Variants in FAM200B observed in about 807,000 individuals in gnomAD.
The protein encoded by FAM200B is zinc finger BED-type containing 11, also known as protein FAM200B.
Under a neutral mutation model 33.1 loss-of-function variants are expected in FAM200B, and 32 were observed. That is an observed-to-expected ratio of 0.97 (90% CI 0.73 to 1.30). The LOEUF is 1.30. Among genes scored for constraint, FAM200B ranks in the 50% most tolerant of loss-of-function variants. The pLI is 0.00. For synonymous variants in FAM200B, 240 were observed against 264.8 expected (o/e 0.91, Z 0.91); for missense variants, 741 against 754.0 (o/e 0.98, Z 0.20).
chr4:15,670,711 A>C, the FAM200B span, among the ~76,000 whole-genome samples: 2 of 22,070 alleles, frequency 9.1e-5, no homozygotes, highest in Non-Finnish European at 2.3e-4. Flanking sequence ...TGAAAAAAGG[A>C]AAAAAAAAAA....
At chr4:15,641,936 G>A in the FAM200B span, among the ~76,000 whole-genome samples, 1 of 151,928 alleles carries the variant, frequency 6.6e-6, no homozygotes, top group African/African-American at 2.4e-5. Flanking sequence ...CTGAGGCACG[G>A]AGAACTGCTT....
In FAM200B at chr4:15,687,869, G is replaced by A; in HGVS notation, c.892G>A (p.Gly298Ser). ...AAACTGTAAAGGAATTACAAGTGAT[G>A]GCACAGCAACCATGACTGGAAAACA... ...WKNCKGITSD[G>S]TATMTGKHSR... Residue 298 changes from glycine (G) to serine (S), a missense_variant, in exon 2 of 2, where the codon GGC becomes AGC. Gly to Ser is a moderately conservative substitution (Grantham distance 56). Coordinates refer to ENST00000422728, the MANE Select transcript of FAM200B (RefSeq NM_001145191.2). 1 of 1,551,218 alleles carries A rather than the reference G, an allele frequency of 6.4e-7. No homozygotes were observed. Among genetic ancestry groups the A allele is most frequent in the Non-Finnish European group, 8.7e-7 (1 of 1,146,732 alleles).
chr4:15,670,045 C>G, the FAM200B span, among the ~76,000 whole-genome samples: 1 of 152,308 alleles, frequency 6.6e-6, no homozygotes, highest in Admixed American at 6.5e-5. Flanking sequence ...CTTCCTGACT[C>G]AAGCTTTTAA....
the FAM200B span, among the ~76,000 whole-genome samples, chr4:15,650,847 G>A: frequency 6.6e-6 from 1 of 151,614 alleles, no homozygotes; most frequent in African/African-American, 2.4e-5. Flanking sequence ...TGGCCAGGCT[G>A]GTCTTGAACT....
At chr4:15,641,934 C>T in the FAM200B span, among the ~76,000 whole-genome samples, 13 of 151,632 alleles carry the variant, frequency 8.6e-5, no homozygotes, top group African/African-American at 2.9e-4. Flanking sequence ...GGCTGAGGCA[C>T]GGAGAACTGC....
At position 15,687,504 on chromosome 4, in the gene FAM200B, T is replaced by C; in HGVS notation, c.527T>C (p.Leu176Ser). 6.4e-7 allele frequency: 1 copy of C among 1,551,110 alleles called. No individual in the cohort carries two copies. The highest frequency in any genetic ancestry group is 8.7e-7 in the Non-Finnish European group (1 of 1,146,774). ...GAAAAAATTATTCTTCCAGCATGTTTGGATATGGTGCGTACAATATTTGAT... is the reference window on the plus strand; with the variant it reads ...GAAAAAATTATTCTTCCAGCATGTTCGGATATGGTGCGTACAATATTTGAT... ...AAEKIILPAC[L>S]DMVRTIFDDK... Residue 176 changes from leucine (L) to serine (S), a missense_variant, in exon 2 of 2, where the codon TTG (leucine) becomes TCG (serine). Coordinates refer to ENST00000422728, the MANE Select transcript of FAM200B (RefSeq NM_001145191.2).
the FAM200B span, among the ~76,000 whole-genome samples, chr4:15,661,412 G>A: frequency 6.6e-6 from 1 of 152,260 alleles, no homozygotes; most frequent in South Asian, 2.1e-4. Flanking sequence ...GCCTGGCATG[G>A]GAAGCACTAA....
Position 15,689,572 on chromosome 4 carries a change from A to G in FAM200B, c.*621A>G, listed in dbSNP as rs1454148423. 1 of 166,502 alleles carries G rather than the reference A, an allele frequency of 6.0e-6. No homozygotes were observed. The highest frequency in any genetic ancestry group is 1.5e-5 in the Non-Finnish European group (1 of 68,132). 10.3% of individuals were successfully genotyped at this position (166,502 alleles called of 1,614,324 possible). On this transcript the variant is annotated 3_prime_UTR_variant, in exon 2 of 2. Coordinates refer to ENST00000422728, the MANE Select transcript of FAM200B (RefSeq NM_001145191.2). ...AAGGCTCTGTTGAGCCCAGGAGTTC[A>G]AGACCATCCTGGGCAACATAGTGAG...
chr4:15,652,882 T>C, the FAM200B span, among the ~76,000 whole-genome samples: 2 of 141,932 alleles, frequency 1.4e-5, no homozygotes, highest in African/African-American at 5.3e-5. Flanking sequence ...AGTTTTATTG[T>C]AAACTGTTTG....
At chr4:15,642,336 G>A in the FAM200B span, among the ~76,000 whole-genome samples, 15 of 151,190 alleles carry the variant, frequency 9.9e-5, no homozygotes, top group African/African-American at 3.4e-4. Context: ...AGGTTCATGC[G>A]ATTCTCCCAC....
chr4:15,651,076 AT>A, the FAM200B span, among the ~76,000 whole-genome samples: 3 of 152,198 alleles, frequency 2.0e-5, no homozygotes, highest in Non-Finnish European at 4.4e-5. Flanking sequence ...ACAAAAACAC[AT>A]ATATTATTCC....
chr4:15,641,166 T>A, the FAM200B span, among the ~76,000 whole-genome samples: 3 of 152,154 alleles, frequency 2.0e-5, no homozygotes, highest in African/African-American at 4.8e-5. Flanking sequence ...ATTATATACA[T>A]TTATATAATT....
chr4:15,660,634 C>T, the FAM200B span, among the ~76,000 whole-genome samples: 52 of 152,258 alleles, frequency 3.4e-4, no homozygotes, highest in Non-Finnish European at 5.9e-4. Context: ...TTCATTTCCT[C>T]GACTGTAAAG....
chr4:15,655,483 G>C, the FAM200B span: 1 of 759,700 alleles, frequency 1.3e-6, no homozygotes. Flanking sequence ...ACGTGACCGG[G>C]CGCGCGCAGA....
the FAM200B span, chr4:15,659,697 A>G: frequency 1.1e-5 from 11 of 983,220 alleles, no homozygotes; most frequent in African/African-American, 1.7e-4. Flanking sequence ...AGAGCCTTCC[A>G]TTTCCCAAAT....
upstream of FAM200B, among the ~76,000 whole-genome samples, chr4:15,680,738 C>T (rs145966119): frequency 1.2e-3 from 184 of 151,766 alleles, 1 homozygote; most frequent in African/African-American, 3.9e-3. Context: ...ACTGTGTAAT[C>T]CTACAAGAAG....
chr4:15,683,334 C>G lies in FAM200B; in HGVS notation c.-743+1433C>G, dbSNP rs555991208. Among the ~76,000 whole-genome samples, 5 of 152,252 alleles carry G rather than the reference C, an allele frequency of 3.3e-5. No homozygotes were observed. The East Asian group carries it at 9.6e-4, about 29-fold the overall frequency. On this transcript the variant is annotated intron_variant, in intron 1 of 1. Coordinates refer to ENST00000422728, the MANE Select transcript of FAM200B (RefSeq NM_001145191.2). ...AAAAACTTCCCCATGCTTTCATCACCACATCTACCAGACCTGTTCCCTAAT... is the reference window on the plus strand; with the variant it reads ...AAAAACTTCCCCATGCTTTCATCACGACATCTACCAGACCTGTTCCCTAAT...
chr4:15,670,267 G>C, the FAM200B span, among the ~76,000 whole-genome samples: 1 of 152,230 alleles, frequency 6.6e-6, no homozygotes, highest in South Asian at 2.1e-4. Flanking sequence ...ATTTTCTCTT[G>C]GGTAAATACC....
At chr4:15,679,807 A>T (rs1238078854), upstream of FAM200B, among the ~76,000 whole-genome samples, 1 of 151,544 alleles carries the variant, frequency 6.6e-6, no homozygotes, top group Non-Finnish European at 1.5e-5. Flanking sequence ...TTCTCTGCTG[A>T]TAGGAGTGTA....
Sources: gnomAD v4.1 joint callset for allele counts (sites outside exome capture counted in the v4.1 genomes callset) on GRCh38, gnomAD v4.1.1 for gene constraint, MANE v1.5 for transcripts, NCBI Gene and HGNC (gene_info 2026-07-23, HGNC 2026-07-21) for gene names.